Variants in CATSPERE observed in about 807,000 individuals in gnomAD.
CATSPERE encodes the protein catsper channel auxiliary subunit epsilon.
A neutral mutation model predicts 114.1 loss-of-function variants in CATSPERE; 93 were observed. The ratio of observed to expected loss-of-function variants is 0.81; its 90% CI spans 0.69 to 0.97. CATSPERE has a LOEUF of 0.97. CATSPERE is among the 50% of genes least tolerant of loss of function. The pLI is 0.00. For synonymous variants in CATSPERE, 341 were observed against 384.1 expected, an observed-to-expected ratio of 0.89 and a Z score of 1.31; for missense variants, 1,058 against 1,131.6, an observed-to-expected ratio of 0.93 and a Z score of 0.93.
chr1:244,509,801 A>G (rs940754665), intron 7 of CATSPERE, among the ~76,000 whole-genome samples: 2 of 152,052 alleles, frequency 1.3e-5, no homozygotes, highest in Non-Finnish European at 2.9e-5. Context: ...TGGTATAATC[A>G]TGGTAGATTT....
At chr1:244,585,248 G>A (rs1435421428) in intron 13 of CATSPERE, among the ~76,000 whole-genome samples, 2 of 152,198 alleles carry the variant, frequency 1.3e-5, no homozygotes, top group Non-Finnish European at 2.9e-5. Flanking sequence ...TTATGGGGTT[G>A]TTGAGAGTAT....
chr1:244,554,709 T>C (rs1661316710), intron 9 of CATSPERE, among the ~76,000 whole-genome samples: 1 of 26,084 alleles, frequency 3.8e-5, no homozygotes, highest in African/African-American at 1.4e-4. Context: ...CTTTGCCCAC[T>C]TTTAAATGGG....
chr1:244,476,051 A>G (rs1190134426), intron 2 of CATSPERE, among the ~76,000 whole-genome samples: 1 of 151,946 alleles, frequency 6.6e-6, no homozygotes, highest in East Asian at 1.9e-4. Flanking sequence ...TGTGATAGTA[A>G]CTCTTCAAGA....
chr1:244,579,442 C>T (rs538620801), intron 11 of CATSPERE, among the ~76,000 whole-genome samples: 7 of 152,184 alleles, frequency 4.6e-5, no homozygotes, highest in Admixed American at 3.9e-4. Flanking sequence ...TTTATGTACT[C>T]GTGAAACACC....
intron 7 of CATSPERE, among the ~76,000 whole-genome samples, chr1:244,500,765 A>G (rs1345035511): frequency 6.6e-6 from 1 of 152,038 alleles, no homozygotes; most frequent in Non-Finnish European, 1.5e-5. Context: ...GTATAGTTTC[A>G]AGTCAGGTAG....
intron 8 of CATSPERE, among the ~76,000 whole-genome samples, chr1:244,527,089 A>G (rs1678754221): frequency 6.6e-6 from 1 of 152,190 alleles, no homozygotes; most frequent in Non-Finnish European, 1.5e-5. Context: ...ATGAAGTTTC[A>G]TGTCCAACTG....
chr1:244,458,311 CA>C (rs1168856167), upstream of CATSPERE, among the ~76,000 whole-genome samples: 2 of 152,098 alleles, frequency 1.3e-5, no homozygotes, highest in Non-Finnish European at 2.9e-5. Flanking sequence ...ATTTAGTGTA[CA>C]TTATTAATTA....
chr1:244,487,280 C>CA (rs922681082), intron 5 of CATSPERE, among the ~76,000 whole-genome samples: 11 of 152,108 alleles, frequency 7.2e-5, no homozygotes, highest in Admixed American at 6.5e-4. Flanking sequence ...CAGGTACAGA[C>CA]CCTTCTAGTC....
At chr1:244,571,926 C>G (rs1229523706) in intron 10 of CATSPERE, among the ~76,000 whole-genome samples, 2 of 152,078 alleles carry the variant, frequency 1.3e-5, no homozygotes, top group African/African-American at 4.8e-5. Context: ...TAATTACCTC[C>G]TAAAGGCCCT....
chr1:244,490,973 TA>T (rs1672021453), intron 6 of CATSPERE, among the ~76,000 whole-genome samples: 1 of 152,144 alleles, frequency 6.6e-6, no homozygotes, highest in African/African-American at 2.4e-5. Context: ...AAAAGCCTTG[TA>T]GGATTCTTAA....
At position 244,614,524 on chromosome 1, in the gene CATSPERE, C is replaced by T. The variant is rs553913059; in HGVS notation, c.2491-3005C>T. Among the ~76,000 whole-genome samples, 1,135 of 152,334 alleles carry T rather than the reference C, an allele frequency of 7.5e-3. 17 individuals carry two copies. The highest frequency in any genetic ancestry group is 0.026 in the African/African-American group (1,081 of 41,564). ...CCTCCTTTGCTTTTTATACAAACAT[C>T]TTCCAAACTTTTCCCAGAGGTCTGT... On this transcript the variant is annotated intron_variant, in intron 19 of 21. Transcript: ENST00000366534.
chr1:244,546,184 A>T (rs3003234), intron 8 of CATSPERE, among the ~76,000 whole-genome samples: 1 of 152,006 alleles, frequency 6.6e-6, no homozygotes, highest in South Asian at 2.1e-4. Context: ...CCATCACTAC[A>T]CCATCTTCAG....
upstream of CATSPERE, among the ~76,000 whole-genome samples, chr1:244,456,964 T>C (rs573734938): frequency 4.1e-4 from 62 of 152,320 alleles, no homozygotes; most frequent in African/African-American, 1.5e-3. Flanking sequence ...TAAGAAGGCA[T>C]AGGAATATGG....
intron 20 of CATSPERE, among the ~76,000 whole-genome samples, chr1:244,629,358 G>A (rs1346639976): frequency 2.6e-5 from 4 of 151,998 alleles, no homozygotes; most frequent in African/African-American, 2.4e-5. Flanking sequence ...AATTATGTGC[G>A]GTACATGTTG....
At position 244,630,469 on chromosome 1, in the gene CATSPERE, G is replaced by C. The variant is rs536174609; in HGVS notation, c.2649-5020G>C. On this transcript the variant is annotated intron_variant, in intron 20 of 21. Coordinates refer to ENST00000366534, the MANE Select transcript of CATSPERE (RefSeq NM_001130957.2). ...AATGGCTGCTTATCAGATGCTGGGG[G>C]TGGTATGGATTTGCTTCTTCGATGA... 9.2e-5 allele frequency among the ~76,000 whole-genome samples: 14 copies of C among 152,292 alleles called. No homozygotes were observed. The South Asian group carries it at 2.9e-3, about 32-fold the overall frequency.
At chr1:244,615,000 T>G (rs1442641325) in intron 19 of CATSPERE, among the ~76,000 whole-genome samples, 1 of 152,062 alleles carries the variant, frequency 6.6e-6, no homozygotes, top group Non-Finnish European at 1.5e-5. Flanking sequence ...ACTGGCACTC[T>G]GATGAACGAC....
chr1:244,624,818 A>G (rs567256030), intron 20 of CATSPERE, among the ~76,000 whole-genome samples: 1 of 152,132 alleles, frequency 6.6e-6, no homozygotes, highest in East Asian at 1.9e-4. Flanking sequence ...AAAAAAAAGA[A>G]ACCACTTTCT....
intron 20 of CATSPERE, among the ~76,000 whole-genome samples, chr1:244,629,251 C>T (rs1187119016): frequency 6.6e-6 from 1 of 152,180 alleles, no homozygotes; most frequent in African/African-American, 2.4e-5. Context: ...ATCTCAGCCC[C>T]GTTTGCATCA....
chr1:244,606,859 C>T (rs980909738), intron 18 of CATSPERE, among the ~76,000 whole-genome samples: 7 of 152,148 alleles, frequency 4.6e-5, no homozygotes, highest in East Asian at 1.9e-4. Context: ...GCCTCGGCCT[C>T]GCAAAGTACT....
Sources: allele counts gnomAD v4.1 joint callset (sites outside exome capture counted in the v4.1 genomes callset), GRCh38; gene constraint gnomAD v4.1.1; transcripts MANE v1.5; gene names NCBI Gene and HGNC (gene_info 2026-07-23, HGNC 2026-07-21).